The following RNGTT variants were observed in gnomAD, a reference collection of about 807,000 sequenced individuals.
The protein encoded by RNGTT is RNA guanylyltransferase and 5'-phosphatase, also known as mRNA-capping enzyme.
RNGTT carries 33 observed loss-of-function variants against 79.3 expected under a neutral mutation model. The ratio of observed to expected loss-of-function variants is 0.42; its 90% CI spans 0.32 to 0.56. The LOEUF is 0.56. RNGTT is among the 20% of genes least tolerant of loss of function. RNGTT has a pLI of 0.17. For synonymous variants in RNGTT, 222 were observed against 235.9 expected, an observed-to-expected ratio of 0.94 and a Z score of 0.54; for missense variants, 497 against 739.1, an observed-to-expected ratio of 0.67 and a Z score of 3.80.
chr6:88,664,989 G>A (rs1001188131), intron 14 of RNGTT, among the ~76,000 whole-genome samples: 3 of 152,176 alleles, frequency 2.0e-5, no homozygotes, highest in African/African-American at 7.2e-5. Context: ...TCGGTGGGGG[G>A]ACATGAAGTG....
chr6:88,686,628 G>A (rs1775288337), intron 13 of RNGTT, among the ~76,000 whole-genome samples: 1 of 151,950 alleles, frequency 6.6e-6, no homozygotes, highest in Admixed American at 6.6e-5. Context: ...CTACGCATAG[G>A]CACTGAATTT....
At chr6:88,720,773 A>G (rs1250468341) in intron 13 of RNGTT, among the ~76,000 whole-genome samples, 2 of 152,156 alleles carry the variant, frequency 1.3e-5, no homozygotes, top group African/African-American at 4.8e-5. Flanking sequence ...ATAAGGAAAA[A>G]AAGGTAAATC....
At chr6:88,932,619 T>A (rs916613999) in intron 2 of RNGTT, among the ~76,000 whole-genome samples, 16 of 152,250 alleles carry the variant, frequency 1.1e-4, no homozygotes, top group African/African-American at 3.9e-4. Context: ...CCGGCCGACA[T>A]TTAGGGAAAA....
At chr6:88,962,791 T>G (rs1785681417) in intron 1 of RNGTT, among the ~76,000 whole-genome samples, 1 of 151,824 alleles carries the variant, frequency 6.6e-6, no homozygotes, top group Non-Finnish European at 1.5e-5. Flanking sequence ...ATTAGCCGGG[T>G]GCGGTGGCAG....
chr6:88,834,984 A>G (rs1285250888), intron 11 of RNGTT, among the ~76,000 whole-genome samples: 6 of 152,162 alleles, frequency 3.9e-5, no homozygotes, highest in Non-Finnish European at 8.8e-5. Flanking sequence ...GTAATTGTCT[A>G]TTTAATACTC....
intron 11 of RNGTT, among the ~76,000 whole-genome samples, chr6:88,827,516 G>A (rs1780711293): frequency 6.6e-6 from 1 of 152,126 alleles, no homozygotes; most frequent in East Asian, 1.9e-4. Context: ...ATACTCCAGA[G>A]GCACCTGGAA....
chr6:88,647,526 G>C (rs1381521573), intron 14 of RNGTT, among the ~76,000 whole-genome samples: 1 of 151,770 alleles, frequency 6.6e-6, no homozygotes, highest in African/African-American at 2.4e-5. Flanking sequence ...TTTGAGACCA[G>C]CCTGGGCAAC....
intron 4 of RNGTT, among the ~76,000 whole-genome samples, chr6:88,910,947 G>GT (rs1328603517): frequency 6.6e-6 from 1 of 152,162 alleles, no homozygotes; most frequent in Non-Finnish European, 1.5e-5. Context: ...AAGGGAATCT[G>GT]TTACCACTAG....
intron 11 of RNGTT, among the ~76,000 whole-genome samples, chr6:88,831,751 C>A (rs1780875036): frequency 6.6e-6 from 1 of 152,186 alleles, no homozygotes; most frequent in African/African-American, 2.4e-5. Context: ...TCTCAGGATA[C>A]AAAATCGATG....
At chr6:88,683,975 A>G (rs1775184169) in intron 13 of RNGTT, among the ~76,000 whole-genome samples, 1 of 152,192 alleles carries the variant, frequency 6.6e-6, no homozygotes, top group South Asian at 2.1e-4. Flanking sequence ...TGAATGCACC[A>G]CTGTACTCCA....
chr6:88,930,191 T>C (rs760371921), intron 2 of RNGTT, among the ~76,000 whole-genome samples: 12 of 148,232 alleles, frequency 8.1e-5, no homozygotes, highest in African/African-American at 1.5e-4. Context: ...TATACATATA[T>C]ACATAAACAT....
chr6:88,635,040 G>C (rs1236099533), intron 14 of RNGTT, among the ~76,000 whole-genome samples: 1 of 151,860 alleles, frequency 6.6e-6, no homozygotes, highest in African/African-American at 2.4e-5. Context: ...GAGAATTGAG[G>C]TTACATTTGA....
At chr6:88,755,059 G>A (rs1178533081) in intron 13 of RNGTT, among the ~76,000 whole-genome samples, 1 of 152,102 alleles carries the variant, frequency 6.6e-6, no homozygotes, top group Non-Finnish European at 1.5e-5. Context: ...CCATGACCGA[G>A]CTGGTCTTGG....
At chr6:88,696,601 T>TACACAC (rs67058652) in intron 13 of RNGTT, among the ~76,000 whole-genome samples, 1,916 of 147,582 alleles carry the variant, frequency 0.013, 32 homozygotes, top group African/African-American at 0.04. Flanking sequence ...AATCCTGAAG[T>TACACAC]ACACACACAC....
At position 88,823,798 on chromosome 6, in the gene RNGTT, G is replaced by GA. The variant is rs768229514; in HGVS notation, c.1269+20558dup. ...ATTTTTTCTAAATAAAATGTTGTTG[G>GA]AAAAAAAATCAAAGATCAGGCTAAC... is the stretch of plus-strand genomic sequence containing the variant. On this transcript the variant is annotated intron_variant, in intron 11 of 15. Transcript: ENST00000369485. Among the ~76,000 whole-genome samples, 303 of 151,776 alleles carry GA rather than the reference G, an allele frequency of 2.0e-3. 3 individuals are homozygous for GA. Among genetic ancestry groups the GA allele is most frequent in the East Asian group, 9.7e-4 (5 of 5,178 alleles).
Position 88,963,524 on chromosome 6 carries a change from T to G in RNGTT, c.-115A>C. 4 of 1,007,312 alleles carry G rather than the reference T, an allele frequency of 4.0e-6. No individual in the cohort carries two copies. Among genetic ancestry groups the G allele is most frequent in the Non-Finnish European group, 5.6e-6 (4 of 718,796 alleles). 62.4% of individuals were successfully genotyped at this position (1,007,312 alleles called of 1,614,324 possible). On this transcript the variant is annotated 5_prime_UTR_variant, in exon 1 of 16. Transcript: ENST00000369485. The stretch of plus-strand genomic sequence containing the variant: ...CGAGACACCCGAATCGCAGCCGTAA[T>G]CTGAATTCCAACCTCTCCGATCCGG...
At chr6:88,814,027 G>T (rs1306822864) in intron 11 of RNGTT, among the ~76,000 whole-genome samples, 1 of 152,056 alleles carries the variant, frequency 6.6e-6, no homozygotes, top group Non-Finnish European at 1.5e-5. Flanking sequence ...GTAAGGCTAG[G>T]TTATAACCAT....
chr6:88,936,341 C>T, intron 2 of RNGTT, among the ~76,000 whole-genome samples: 1 of 152,146 alleles, frequency 6.6e-6, no homozygotes, highest in East Asian at 1.9e-4. Flanking sequence ...CAATGAGGGA[C>T]AGTTTGACTT....
At chr6:88,621,139 C>T (rs1432741599) in intron 14 of RNGTT, among the ~76,000 whole-genome samples, 1 of 152,164 alleles carries the variant, frequency 6.6e-6, no homozygotes, top group Admixed American at 6.5e-5. Context: ...GGCCTAAGTC[C>T]TTTTCATTCA....
Sources: allele counts gnomAD v4.1 joint callset (sites outside exome capture counted in the v4.1 genomes callset), GRCh38; gene constraint gnomAD v4.1.1; transcripts MANE v1.5; gene names NCBI Gene and HGNC (gene_info 2026-07-23, HGNC 2026-07-21).